Variants in RORA observed in about 807,000 individuals in gnomAD.
RORA encodes nuclear receptor ROR-alpha.
Under a neutral mutation model 69.5 loss-of-function variants are expected in RORA, and 7 were observed. The ratio of observed to expected loss-of-function variants is 0.10; its 90% CI spans 0.06 to 0.19. The LOEUF (loss-of-function observed/expected upper bound fraction) is 0.19, where lower values mean the gene tolerates loss of function less well. Ranked by LOEUF, RORA falls within the 10% of genes least tolerant of loss-of-function variation. The pLI, the probability that RORA is intolerant of heterozygous loss-of-function variation, is 1.00. For missense variants in RORA, 457 were observed against 663.0 expected (o/e 0.69, Z 3.41); for synonymous variants, 261 against 240.8 (o/e 1.08, Z -0.78).
At chr15:61,077,927 C>G (rs1287515787) in intron 1 of RORA, among the ~76,000 whole-genome samples, 1 of 152,146 alleles carries the variant, frequency 6.6e-6, no homozygotes, top group Non-Finnish European at 1.5e-5. Flanking sequence ...AGGCCCACCA[C>G]TTTTGTCTTC....
At chr15:60,519,503 G>A (rs755499593) in intron 3 of RORA, among the ~76,000 whole-genome samples, 2 of 152,118 alleles carry the variant, frequency 1.3e-5, no homozygotes, top group African/African-American at 4.8e-5. Flanking sequence ...TGCTTCTCTT[G>A]TGTGTCAAAA....
intron 1 of RORA, among the ~76,000 whole-genome samples, chr15:60,912,520 C>T (rs917074166): frequency 5.3e-5 from 8 of 151,832 alleles, no homozygotes; most frequent in Admixed American, 2.0e-4. Flanking sequence ...TTTGGGAGGC[C>T]GAGGCATGTG....
chr15:60,927,449 T>C (rs1246449164), intron 1 of RORA, among the ~76,000 whole-genome samples: 1 of 152,220 alleles, frequency 6.6e-6, no homozygotes, highest in Non-Finnish European at 1.5e-5. Flanking sequence ...TTCCTCTTCC[T>C]TCCTACTTCT....
chr15:60,921,372 T>C (rs1048740991), intron 1 of RORA, among the ~76,000 whole-genome samples: 3 of 152,194 alleles, frequency 2.0e-5, no homozygotes, highest in African/African-American at 7.2e-5. Context: ...ATTGCAGGCA[T>C]CAACATGGAC....
At chr15:60,654,495 G>T (rs1200276948) in intron 2 of RORA, among the ~76,000 whole-genome samples, 2 of 152,188 alleles carry the variant, frequency 1.3e-5, no homozygotes, top group Admixed American at 6.5e-5. Context: ...TCTGAGATTT[G>T]AAATGCTGTG....
At chr15:60,700,448 A>T (rs2070966077) in intron 1 of RORA, among the ~76,000 whole-genome samples, 2 of 152,208 alleles carry the variant, frequency 1.3e-5, no homozygotes, top group Admixed American at 1.3e-4. Flanking sequence ...CTTTCATGCC[A>T]CTGATAGGAA....
At chr15:60,699,184 A>T (rs1344938404) in intron 1 of RORA, among the ~76,000 whole-genome samples, 2 of 152,070 alleles carry the variant, frequency 1.3e-5, no homozygotes, top group Non-Finnish European at 2.9e-5. Context: ...TAAAATATCC[A>T]ATCTAGTAAT....
At chr15:60,703,922 C>T (rs1437486690) in intron 1 of RORA, among the ~76,000 whole-genome samples, 1 of 151,656 alleles carries the variant, frequency 6.6e-6, no homozygotes, top group Admixed American at 6.6e-5. Context: ...AGGACACATA[C>T]CAAAAATTTA....
chr15:61,218,226 T>A (rs1159917387), intron 1 of RORA, among the ~76,000 whole-genome samples: 2 of 150,942 alleles, frequency 1.3e-5, no homozygotes, highest in Non-Finnish European at 2.9e-5. Flanking sequence ...CACAATGTAA[T>A]TAATATGTTT....
intron 1 of RORA, among the ~76,000 whole-genome samples, chr15:61,023,078 C>G (rs1473628666): frequency 6.6e-6 from 1 of 150,642 alleles, no homozygotes; most frequent in Non-Finnish European, 1.5e-5. Context: ...ATCCCAGCTA[C>G]TCGGGAGGCT....
chr15:61,192,058 C>T (rs1596061521), intron 1 of RORA, among the ~76,000 whole-genome samples: 1 of 151,622 alleles, frequency 6.6e-6, no homozygotes, highest in East Asian at 1.9e-4. Flanking sequence ...CTCCATAGAG[C>T]ATGTTGCATG....
At chr15:60,718,319 C>T (rs2071246879) in intron 1 of RORA, among the ~76,000 whole-genome samples, 1 of 152,264 alleles carries the variant, frequency 6.6e-6, no homozygotes, top group Admixed American at 6.5e-5. Context: ...AAGCAAACAC[C>T]ACACCTGCCA....
chr15:61,077,145 T>C (rs983043052), intron 1 of RORA, among the ~76,000 whole-genome samples: 1 of 151,506 alleles, frequency 6.6e-6, no homozygotes, highest in Non-Finnish European at 1.5e-5. Context: ...GCTTGAGATA[T>C]TGTCAGCTGT....
intron 1 of RORA, among the ~76,000 whole-genome samples, chr15:60,758,673 A>G (rs1265698936): frequency 6.6e-6 from 1 of 152,188 alleles, no homozygotes; most frequent in Non-Finnish European, 1.5e-5. Flanking sequence ...AGTGAGTCCA[A>G]CTGATATAAT....
At chr15:60,685,599 C>T (rs1021430323) in intron 1 of RORA, among the ~76,000 whole-genome samples, 3 of 152,142 alleles carry the variant, frequency 2.0e-5, no homozygotes, top group South Asian at 2.1e-4. Flanking sequence ...AATGATGTTA[C>T]AAAACAATGT....
At chr15:60,708,947 G>A (rs1364208251) in intron 1 of RORA, among the ~76,000 whole-genome samples, 1 of 152,166 alleles carries the variant, frequency 6.6e-6, no homozygotes, top group Non-Finnish European at 1.5e-5. Flanking sequence ...AGCCACGCAG[G>A]ACCAAGGCCT....
intron 1 of RORA, among the ~76,000 whole-genome samples, chr15:60,748,323 AAAC>A (rs573262743): frequency 0.3 from 36,769 of 123,280 alleles, 5,372 homozygotes; most frequent in Non-Finnish European, 0.37. Flanking sequence ...AAAAAAAAAA[AAAC>A]ACACACACAT....
intron 1 of RORA, among the ~76,000 whole-genome samples, chr15:60,769,447 A>T (rs2072040965): frequency 6.6e-6 from 1 of 152,188 alleles, no homozygotes; most frequent in Non-Finnish European, 1.5e-5. Flanking sequence ...GAGCACTGTG[A>T]GCTGACATAT....
At chr15:60,720,363 C>G (rs924394098) in intron 1 of RORA, among the ~76,000 whole-genome samples, 7 of 152,128 alleles carry the variant, frequency 4.6e-5, no homozygotes, top group African/African-American at 1.7e-4. Context: ...AAGTTTAATG[C>G]GAGCAGAAAG....
Sources: allele counts gnomAD v4.1 joint callset (sites outside exome capture counted in the v4.1 genomes callset), GRCh38; gene constraint gnomAD v4.1.1; transcripts MANE v1.5; gene names NCBI Gene and HGNC (gene_info 2026-07-23, HGNC 2026-07-21).